ARHGEF16: variants seen among roughly 807,000 people sequenced by gnomAD.
The protein encoded by ARHGEF16 is Rho guanine exchange factor (GEF) 16.
In ARHGEF16, 59 loss-of-function variants were observed where a neutral mutation model predicts 74.1. The observed-to-expected ratio is 0.80, with a 90% CI of 0.65 to 0.99. ARHGEF16 has a LOEUF of 0.99. ARHGEF16 is among the 50% of genes least tolerant of loss of function. ARHGEF16 has a pLI of 0.00. For missense variants in ARHGEF16, 948 were observed against 986.6 expected (o/e 0.96, Z 0.52); for synonymous variants, 415 against 412.6 (o/e 1.01, Z -0.07).
chr1:3,469,488 T>C lies in ARHGEF16; in HGVS notation c.917T>C (p.Leu306Pro). 6.2e-7 allele frequency: 1 copy of C among 1,613,200 alleles called. No individual in the cohort carries two copies. The highest frequency in any genetic ancestry group is 8.5e-7 in the Non-Finnish European group (1 of 1,179,986). ...TCCTACCAGCACAGCCTGAGCATCC[T>C]GGTGGAGGAGTTCCTGCAGTCCAAG... ...EFSYQHSLSI[L>P]VEEFLQSKEL... The change falls in exon 6 of 15, where the codon CTG becomes CCG. Residue 306 changes from leucine to proline, a missense_variant. By Grantham distance (98) the Leu-to-Pro change is moderately conservative (BLOSUM62 -3). Transcript: ENST00000378378.
At chr1:3,477,799 T>C (rs1049830555) in intron 10 of ARHGEF16, 76 bp from the exon 11 acceptor site, 60 of 1,435,832 alleles carry the variant, frequency 4.2e-5, no homozygotes, top group Non-Finnish European at 5.5e-5. Context: ...CTTGACCCCC[T>C]GGGGACCTGC....
Position 3,463,184 on chromosome 1 carries a change from G to C in ARHGEF16, c.100G>C (p.Gly34Arg). 1 of 1,529,010 alleles carries C rather than the reference G, an allele frequency of 6.5e-7. No individual in the cohort carries two copies. The highest frequency in any genetic ancestry group is 8.8e-7 in the Non-Finnish European group (1 of 1,132,344). The allele number at this position is 1,529,010 out of a possible 1,614,324, so 94.7% of individuals were successfully genotyped here. A position where few individuals can be genotyped will look rare whatever the true frequency, so the allele number is the denominator to read the frequency against. Reference protein sequence around the residue: ...RLDAGGNPASGLPMVRGSPRV... With the variant: ...RLDAGGNPASRLPMVRGSPRV... ...CGATGCCGGGGGGAACCCAGCCTCC[G>C]GGCTCCCAATGGTCCGTGGCTCCCC... Residue 34 changes from glycine to arginine, a missense_variant, in exon 2 of 15, where the codon GGG becomes CGG. Gly to Arg is a moderately radical substitution (Grantham distance 125). Transcript: ENST00000378378.
At position 3,463,271 on chromosome 1, in the gene ARHGEF16, C is replaced by T. The variant is rs772803322; in HGVS notation, c.187C>T (p.Pro63Ser). The change falls in exon 2 of 15, where the codon CCG (proline) becomes TCG (serine). Residue 63 changes from proline (P) to serine (S), a missense_variant. Transcript: ENST00000378378. ...CCCGGCACCCCCACAGCCTCGGCCC[C>T]CGGGGCACGAGGAGCCATGGCCCAT... is the stretch of plus-strand genomic sequence containing the variant. ...QVPAPPQPRP[P>S]GHEEPWPIVL... 13 of 1,549,844 alleles carry T rather than the reference C, an allele frequency of 8.4e-6. No homozygotes were observed. Among genetic ancestry groups the T allele is most frequent in the Middle Eastern group, 3.3e-4 (2 of 5,986 alleles).
In ARHGEF16 at chr1:3,468,886, G is replaced by T; in HGVS notation, c.811G>T (p.Glu271Ter). The change falls in exon 5 of 15, where the codon GAA becomes TAA. Residue 271 changes from glutamate to a stop codon, truncating the protein, a stop_gained. Coordinates refer to ENST00000378378, the MANE Select transcript of ARHGEF16 (RefSeq NM_014448.4). LOFTEE classifies it high-confidence loss of function. ...TGGGCCTGTGTCCCCCCAGGTGGTG[G>T]AATTGGGCATCCTGGACCAGCTCTC... Reference protein sequence around the residue: ...VTWSQLPEVVELGILDQLSTE... With the variant: ...VTWSQLPEVV The T allele has an allele frequency of 6.4e-7, 1 of 1,550,476 alleles. No homozygotes were observed. Among genetic ancestry groups the T allele is most frequent in the Middle Eastern group, 1.7e-4 (1 of 5,990 alleles).
Position 3,479,846 on chromosome 1 carries a change from C to A in ARHGEF16, c.1923C>A (p.Phe641Leu). ...LPQVEITKAF[F>L]AKQADEVTLQ... ...AGGTGGAGATCACCAAGGCCTTCTTCGCGAAGCAAGCAGACGAGGTCACAC... is the reference window on the plus strand; with the variant it reads ...AGGTGGAGATCACCAAGGCCTTCTTAGCGAAGCAAGCAGACGAGGTCACAC... Residue 641 changes from phenylalanine to leucine, a missense_variant, in exon 14 of 15, where the codon TTC (phenylalanine) becomes TTA (leucine). By Grantham distance (22) the Phe-to-Leu change is conservative. Transcript: ENST00000378378. 6.2e-7 allele frequency: 1 copy of A among 1,612,268 alleles called. No individual in the cohort carries two copies. Among genetic ancestry groups the A allele is most frequent in the Non-Finnish European group, 8.5e-7 (1 of 1,179,928 alleles).
chr1:3,469,510 C>T lies in ARHGEF16; in HGVS notation c.939C>T (p.Ser313=), dbSNP rs1332013181. The T allele has an allele frequency of 2.4e-5, 38 of 1,613,236 alleles. No individual in the cohort carries two copies. Among genetic ancestry groups the T allele is most frequent in the South Asian group, 3.3e-5 (3 of 91,086 alleles). ...LSILVEEFLQ[S]KELRATVTQM... is the part of the protein sequence containing the mutation. ...TCCTGGTGGAGGAGTTCCTGCAGTCCAAGGAGCTGCGGGCGACCGTGACCC... is the reference window on the plus strand; with the variant it reads ...TCCTGGTGGAGGAGTTCCTGCAGTCTAAGGAGCTGCGGGCGACCGTGACCC... The change falls in exon 6 of 15, where the codon TCC becomes TCT. Residue 313 remains serine, a synonymous_variant. Transcript: ENST00000378378.
intron 3 of ARHGEF16, among the ~76,000 whole-genome samples, chr1:3,466,620 C>G (rs1465486721): frequency 4.6e-5 from 7 of 152,324 alleles, no homozygotes; most frequent in African/African-American, 1.7e-4. Context: ...GTGGTGCACA[C>G]TCAGCCTGCT....
At chr1:3,465,571 C>T (rs9787074) in intron 2 of ARHGEF16, among the ~76,000 whole-genome samples, 9,675 of 135,230 alleles carry the variant, frequency 0.072, 507 homozygotes, top group East Asian at 0.23. Context: ...CAACTCGTTC[C>T]GAGAAATCAG....
At chr1:3,465,811 G>A (rs1049537153) in intron 2 of ARHGEF16, among the ~76,000 whole-genome samples, 6 of 152,176 alleles carry the variant, frequency 3.9e-5, no homozygotes, top group African/African-American at 1.4e-4. Context: ...GTCCCCAGGG[G>A]CCTGTGTCCT....
At chr1:3,473,273 T>C (rs1639788016) in intron 7 of ARHGEF16, 43 bp downstream of exon 7, 3 of 1,601,800 alleles carry the variant, frequency 1.9e-6, no homozygotes, top group Non-Finnish European at 2.6e-6. Context: ...CTCAGGAGCA[T>C]CCTGCACCCT....
intron 8 of ARHGEF16, 111 bp from the exon 9 acceptor site, chr1:3,474,595 TGG>T: frequency 1.0e-6 from 1 of 983,482 alleles, no homozygotes; most frequent in Non-Finnish European, 1.6e-6. Context: ...AGGAGCCCCC[TGG>T]GGGCAGCTGT....
At chr1:3,466,243 G>A in intron 3 of ARHGEF16, 50 bp downstream of exon 3, 1 of 1,519,128 alleles carries the variant, frequency 6.6e-7, no homozygotes, top group South Asian at 1.3e-5. Context: ...GTTGAAACTG[G>A]TCTCACTGGG....
chr1:3,461,674 G>T (rs1163558630), intron 1 of ARHGEF16, among the ~76,000 whole-genome samples: 2 of 152,218 alleles, frequency 1.3e-5, no homozygotes, highest in Non-Finnish European at 2.9e-5. Flanking sequence ...CCGTCACTCA[G>T]GAGGTGATGT....
rs1553183686 is a variant in ARHGEF16 at position 3,463,291 on chromosome 1, G to A, written c.207G>A (p.Trp69Ter). The change falls in exon 2 of 15, where the codon TGG becomes TGA. Residue 69 changes from tryptophan (W) to a stop codon, truncating the protein, a stop_gained. Coordinates refer to ENST00000378378, the MANE Select transcript of ARHGEF16 (RefSeq NM_014448.4). LOFTEE classifies it high-confidence loss of function. ...GGCCCCCGGGGCACGAGGAGCCATG[G>A]CCCATCGTCCTGAGCACAGAGAGCC... ...QPRPPGHEEP[W>*]PIVLSTESPA... The A allele has an allele frequency of 6.5e-7, 1 of 1,550,016 alleles. No individual in the cohort carries two copies. Among genetic ancestry groups the A allele is most frequent in the Non-Finnish European group, 8.7e-7 (1 of 1,146,854 alleles).
Position 3,463,525 on chromosome 1 carries a change from G to A in ARHGEF16, c.441G>A (p.Arg147=). ...AGGACCCCGGGGGCATGCTGAGGCGGAACCTGCGGAACCAATCCTACCGGG... is the reference window on the plus strand; with the variant it reads ...AGGACCCCGGGGGCATGCTGAGGCGAAACCTGCGGAACCAATCCTACCGGG... ...VDKDPGGMLR[R]NLRNQSYRAA... is the part of the protein sequence containing the mutation. The change falls in exon 2 of 15, where the codon CGG becomes CGA. Residue 147 remains arginine, a synonymous_variant. Coordinates refer to ENST00000378378, the MANE Select transcript of ARHGEF16 (RefSeq NM_014448.4). The A allele has an allele frequency of 6.8e-7, 1 of 1,472,856 alleles. No homozygotes were observed. The highest frequency in any genetic ancestry group is 9.0e-7 in the Non-Finnish European group (1 of 1,109,288). 91.2% of individuals were successfully genotyped at this position (1,472,856 alleles called of 1,614,324 possible).
intron 2 of ARHGEF16, 93 bp from the exon 3 acceptor site, chr1:3,466,055 G>T (rs1639534338): frequency 1.4e-6 from 2 of 1,390,192 alleles, no homozygotes; most frequent in South Asian, 1.3e-5. Context: ...CGCATGTGGA[G>T]CCGAGAGGTC....
Position 3,480,003 on chromosome 1 carries a change from G to T in ARHGEF16, c.1990+90G>T, listed in dbSNP as rs1012944863. 4.7e-6 allele frequency: 6 copies of T among 1,287,708 alleles called. No individual in the cohort carries two copies. The Admixed American group carries it at 1.1e-4, about 24-fold the overall frequency. The allele number at this position is 1,287,708 out of a possible 1,614,324, so 79.8% of individuals were successfully genotyped here. Reference sequence around the variant, plus strand: ...GCCTGGCCAGGTCCAGAGCATGCCGGGCTGCAGGCTGACCATGTGCTCACC... The same window carrying T: ...GCCTGGCCAGGTCCAGAGCATGCCGTGCTGCAGGCTGACCATGTGCTCACC... On this transcript the variant is annotated intron_variant, in intron 14 of 14. Transcript: ENST00000378378.
intron 1 of ARHGEF16, among the ~76,000 whole-genome samples, chr1:3,455,098 CT>C: frequency 6.6e-6 from 1 of 152,006 alleles, no homozygotes; most frequent in Non-Finnish European, 1.5e-5. Flanking sequence ...GCTCGCTGCC[CT>C]CTCTTGACCC....
rs767723852 is a variant in ARHGEF16, at chr1:3,463,318, G to A, written c.234G>A (p.Pro78=). ...PWPIVLSTES[P]AALKLGTQQL... ...CCATCGTCCTGAGCACAGAGAGCCC[G>A]GCGGCCCTCAAGCTGGGCACCCAAC... Residue 78 remains proline, a synonymous_variant, in exon 2 of 15, where the codon CCG becomes CCA. Coordinates refer to ENST00000378378, the MANE Select transcript of ARHGEF16 (RefSeq NM_014448.4). 229 of 1,550,086 alleles carry A rather than the reference G, an allele frequency of 1.5e-4. No individual in the cohort carries two copies. Among genetic ancestry groups the A allele is most frequent in the Non-Finnish European group, 1.7e-4 (196 of 1,146,890 alleles).
Sources: gnomAD v4.1 joint callset for allele counts (sites outside exome capture counted in the v4.1 genomes callset) on GRCh38, gnomAD v4.1.1 for gene constraint, MANE v1.5 for transcripts, NCBI Gene and HGNC (gene_info 2026-07-23, HGNC 2026-07-21) for gene names.